Variants in NAP1L4 observed in about 807,000 individuals in gnomAD.
NAP1L4 encodes nucleosome assembly protein 1-like 4.
Under a neutral mutation model 58.2 loss-of-function variants are expected in NAP1L4, and 15 were observed. That is an observed-to-expected ratio of 0.26 (90% CI 0.17 to 0.40). The LOEUF (loss-of-function observed/expected upper bound fraction) is 0.40, where lower values mean the gene tolerates loss of function less well. NAP1L4 is among the 10% of genes least tolerant of loss of function. The pLI is 1.00. For missense variants in NAP1L4, 384 were observed against 451.1 expected, an observed-to-expected ratio of 0.85 and a Z score of 1.35; for synonymous variants, 171 against 155.6, an observed-to-expected ratio of 1.10 and a Z score of -0.74.
Position 2,977,121 on chromosome 11 carries a change from A to C in NAP1L4, c.74-998T>G, listed in dbSNP as rs1590259053. 2.0e-5 allele frequency among the ~76,000 whole-genome samples: 3 copies of C among 152,256 alleles called. 1 individual carries two copies. The South Asian group carries it at 6.2e-4, about 32-fold the overall frequency. On this transcript the variant is annotated intron_variant, in intron 3 of 15. Coordinates refer to ENST00000380542, the MANE Select transcript of NAP1L4 (RefSeq NM_005969.4). ...TATTTAAGGTACGTAATTTGTATAT[A>C]TAAAACTGTGTACACATGTGTAGTA...
Position 2,969,869 on chromosome 11 carries a change from G to C in NAP1L4, c.468C>G (p.Pro156=). 6.2e-7 allele frequency: 1 copy of C among 1,613,816 alleles called. No homozygotes were observed. The highest frequency in any genetic ancestry group is 1.1e-5 in the South Asian group (1 of 90,986). ...TAAACCAGAACTCTGGAATTCCTTT[G>C]GGATCTGGCTCTTCAGCCGTTGCCG... ...KAAATAEEPD[P]KGIPEFWFTI... is the part of the protein sequence containing the mutation. Residue 156 remains proline, a synonymous_variant, in exon 7 of 16, where the codon CCC becomes CCG. Transcript: ENST00000380542.
At chr11:2,957,979 C>T (rs115022762) in intron 10 of NAP1L4, among the ~76,000 whole-genome samples, 1,525 of 152,262 alleles carry the variant, frequency 0.01, 19 homozygotes, top group African/African-American at 0.035. Context: ...AGCAGCTCTC[C>T]GAGGCTGGGA....
chr11:2,969,883 C>T lies in NAP1L4; in HGVS notation c.454G>A (p.Glu152Lys). 2.0e-5 allele frequency: 32 copies of T among 1,613,896 alleles called. No individual in the cohort carries two copies. The highest frequency in any genetic ancestry group is 2.5e-5 in the Non-Finnish European group (30 of 1,179,820). The change falls in exon 7 of 16, where the codon GAA (glutamate) becomes AAA (lysine). Residue 152 changes from glutamate to lysine, a missense_variant. This residue lies in a region of NAP1L4 where 296 missense variants were observed against 360.8 expected (regional missense o/e 0.82). Transcript: ENST00000380542. ...VVTEKAAATA[E>K]EPDPKGIPEF... Reference sequence around the variant, plus strand: ...GGAATTCCTTTGGGATCTGGCTCTTCAGCCGTTGCCGCTGCTTTTTCTGTG... The same window carrying T: ...GGAATTCCTTTGGGATCTGGCTCTTTAGCCGTTGCCGCTGCTTTTTCTGTG...
In NAP1L4 at chr11:2,959,226, C is replaced by T. The variant is rs891499290; in HGVS notation, c.746+544G>A. 6.6e-6 allele frequency among the ~76,000 whole-genome samples: 1 copy of T among 152,196 alleles called. No homozygotes were observed. Among genetic ancestry groups the T allele is most frequent in the East Asian group, 1.9e-4 (1 of 5,202 alleles). On this transcript the variant is annotated intron_variant, in intron 9 of 15. Transcript: ENST00000380542. The surrounding 1 kb of genome is among the most constrained non-coding windows in gnomAD (Gnocchi z 4.9). ...TTACTATTTACTTCTGGTAAATAAA[C>T]GTAATTGTTTCAAGTCAAGACTAAA...
intron 8 of NAP1L4, chr11:2,963,960 C>T: frequency 5.9e-6 from 3 of 509,220 alleles, no homozygotes; most frequent in South Asian, 4.2e-5. Flanking sequence ...TATGGTTCCT[C>T]AGATAAAAGT....
intron 12 of NAP1L4, among the ~76,000 whole-genome samples, chr11:2,953,294 A>AACTGACGG (rs1846341796): frequency 6.6e-6 from 1 of 152,294 alleles, no homozygotes; most frequent in Non-Finnish European, 1.5e-5. Flanking sequence ...TGCATATTCA[A>AACTGACGG]GTCCTTTAAA....
Position 2,971,049 on chromosome 11 carries a change from C to T in NAP1L4, c.402+399G>A, listed in dbSNP as rs1409509837. 1.3e-5 allele frequency among the ~76,000 whole-genome samples: 2 copies of T among 152,230 alleles called. No homozygotes were observed. The highest frequency in any genetic ancestry group is 2.9e-5 in the Non-Finnish European group (2 of 68,040). On this transcript the variant is annotated intron_variant, in intron 6 of 15. Coordinates refer to ENST00000380542, the MANE Select transcript of NAP1L4 (RefSeq NM_005969.4). This position sits in a 1 kb window ranked among gnomAD's most constrained non-coding sequence, Gnocchi z 4.2. ...ACAACCACCATCTGCAACCAATCCA[C>T]TGGCGGAGCACCTCTCAGGGGGCAA...
At position 2,955,024 on chromosome 11, in the gene NAP1L4, T is replaced by C. The variant is rs1232810413; in HGVS notation, c.916-378A>G. 1.3e-5 allele frequency among the ~76,000 whole-genome samples: 2 copies of C among 152,194 alleles called. No individual in the cohort carries two copies. Among genetic ancestry groups the C allele is most frequent in the East Asian group, 1.9e-4 (1 of 5,202 alleles). On this transcript the variant is annotated intron_variant, in intron 11 of 15. Transcript: ENST00000380542. This position sits in a 1 kb window ranked among gnomAD's most constrained non-coding sequence, Gnocchi z 4.2. ...ACTTTTACTTAGATGTGTAATGATTTCAAATTAATCCCAGAGTTTTAGGAA... is the reference window on the plus strand; with the variant it reads ...ACTTTTACTTAGATGTGTAATGATTCCAAATTAATCCCAGAGTTTTAGGAA...
chr11:2,960,519 C>T (rs1473752565), intron 8 of NAP1L4, among the ~76,000 whole-genome samples: 2 of 151,976 alleles, frequency 1.3e-5, no homozygotes, highest in Non-Finnish European at 2.9e-5. Context: ...AGGCATAGAA[C>T]AACCAACAGC....
intron 1 of NAP1L4, among the ~76,000 whole-genome samples, chr11:2,984,278 AC>A (rs1848499513): frequency 6.6e-6 from 1 of 151,438 alleles, no homozygotes; most frequent in African/African-American, 2.4e-5. Context: ...AGATTTAAAA[AC>A]CCTTTAACAA....
chr11:2,978,229 G>A lies in NAP1L4; in HGVS notation c.73+55C>T, dbSNP rs923953551. 2.3e-5 allele frequency: 36 copies of A among 1,536,516 alleles called. No individual in the cohort carries two copies. The Admixed American group carries it at 3.4e-4, about 14-fold the overall frequency. On this transcript the variant is annotated intron_variant, in intron 3 of 15. Coordinates refer to ENST00000380542, the MANE Select transcript of NAP1L4 (RefSeq NM_005969.4). Reference sequence around the variant, plus strand: ...TTACTTGCATTAATAAATGTTTCCAGAGAGAGGAACGTTCCCCATACTGGA... The same window carrying A: ...TTACTTGCATTAATAAATGTTTCCAAAGAGAGGAACGTTCCCCATACTGGA...
intron 8 of NAP1L4, among the ~76,000 whole-genome samples, chr11:2,962,558 G>A (rs1027521330): frequency 1.3e-5 from 2 of 152,186 alleles, no homozygotes; most frequent in African/African-American, 4.8e-5. Flanking sequence ...AAAAGAGTAT[G>A]GGGAAATTCA....
intron 8 of NAP1L4, among the ~76,000 whole-genome samples, chr11:2,962,818 G>A (rs1300450355): frequency 2.0e-5 from 3 of 151,966 alleles, no homozygotes; most frequent in Non-Finnish European, 4.4e-5. Context: ...AAGAAAAAAA[G>A]AGGCCGGGTG....
intron 1 of NAP1L4, among the ~76,000 whole-genome samples, chr11:2,984,916 G>A (rs1564992353): frequency 1.3e-5 from 2 of 152,182 alleles, no homozygotes; most frequent in South Asian, 4.1e-4. Flanking sequence ...TACAGGTTGA[G>A]TATCTCTTAT....
chr11:2,979,286 T>C (rs1848160514), intron 1 of NAP1L4, 49 bp from the exon 2 acceptor site: 1 of 1,480,912 alleles, frequency 6.8e-7, no homozygotes, highest in African/African-American at 1.4e-5. Context: ...GCAAAAATGT[T>C]TGTTCAATAT....
intron 8 of NAP1L4, among the ~76,000 whole-genome samples, chr11:2,963,032 A>G (rs1334195765): frequency 6.7e-6 from 1 of 148,166 alleles, no homozygotes; most frequent in Admixed American, 6.8e-5. Flanking sequence ...TCCAGGAGGC[A>G]GAGGTTGCAG....
intron 1 of NAP1L4, among the ~76,000 whole-genome samples, chr11:2,982,894 G>T (rs560909973): frequency 3.3e-5 from 5 of 152,066 alleles, no homozygotes; most frequent in Non-Finnish European, 7.3e-5. Context: ...GGTGGCACTC[G>T]CCTGTAATCC....
chr11:2,968,988 G>GTTTT (rs61176259), intron 7 of NAP1L4, among the ~76,000 whole-genome samples: 7 of 113,578 alleles, frequency 6.2e-5, no homozygotes, highest in Non-Finnish European at 9.3e-5. Flanking sequence ...TTGTTGTGTT[G>GTTTT]TTTTTTTTTT....
At chr11:2,974,089 T>G (rs928406302) in intron 4 of NAP1L4, among the ~76,000 whole-genome samples, 5 of 152,214 alleles carry the variant, frequency 3.3e-5, no homozygotes, top group Non-Finnish European at 7.3e-5. Context: ...TTTAAATTAG[T>G]TTAATTTTTG....
Sources: gnomAD v4.1 joint callset for allele counts (sites outside exome capture counted in the v4.1 genomes callset) on GRCh38, gnomAD v4.1.1 for gene constraint, gnomAD v4.1.1 regional missense constraint, Gnocchi (gnomAD v3.1) non-coding constraint, MANE v1.5 for transcripts, NCBI Gene and HGNC (gene_info 2026-07-23, HGNC 2026-07-21) for gene names.